OPN5: variants seen among roughly 807,000 people sequenced by gnomAD.
OPN5 encodes the protein opsin-5.
A neutral mutation model predicts 41.7 loss-of-function variants in OPN5; 18 were observed. The ratio of observed to expected loss-of-function variants is 0.43; its 90% confidence interval spans 0.30 to 0.64. The LOEUF (loss-of-function observed/expected upper bound fraction) is 0.64, where lower values mean the gene tolerates loss of function less well. Ranked by LOEUF, OPN5 falls within the 30% of genes least tolerant of loss-of-function variation. OPN5 has a pLI of 0.13. For missense variants in OPN5, 318 were observed against 434.5 expected (o/e 0.73, Z 2.38); for synonymous variants, 178 against 164.3 (o/e 1.08, Z -0.64).
chr6:47,813,091 AC>A (rs1296680007), intron 6 of OPN5, among the ~76,000 whole-genome samples: 19 of 151,788 alleles, frequency 1.3e-4, no homozygotes, highest in African/African-American at 4.4e-4. Context: ...AACAACAACA[AC>A]AACAACAACA....
intron 2 of OPN5, among the ~76,000 whole-genome samples, chr6:47,787,550 G>A (rs1196839051): frequency 6.6e-6 from 1 of 152,154 alleles, no homozygotes; most frequent in African/African-American, 2.4e-5. Context: ...ACAGTACACA[G>A]CAGCTCCTCT....
intron 6 of OPN5, among the ~76,000 whole-genome samples, chr6:47,820,268 G>A (rs929275665): frequency 6.6e-6 from 1 of 152,000 alleles, no homozygotes; most frequent in East Asian, 1.9e-4. Flanking sequence ...CAGCCTTAGG[G>A]GTTATTCTTT....
chr6:47,808,620 G>A (rs186594120), intron 5 of OPN5, among the ~76,000 whole-genome samples: 1 of 152,130 alleles, frequency 6.6e-6, no homozygotes, highest in Non-Finnish European at 1.5e-5. Context: ...TTTTTTGATC[G>A]TGGAGCAACT....
chr6:47,820,476 C>T lies in OPN5; in HGVS notation c.1057-3507C>T, dbSNP rs190768459. The stretch of plus-strand genomic sequence containing the variant: ...TCATCTCGCTTGATTTAAAATCCCA[C>T]TCTAGGTCTCTTACAATAATTCTAT... On this transcript the variant is annotated intron_variant, in intron 6 of 6. Transcript: ENST00000371211. 3.9e-5 allele frequency among the ~76,000 whole-genome samples: 6 copies of T among 152,302 alleles called. No individual in the cohort carries two copies. The East Asian group carries it at 1.2e-3, about 29-fold the overall frequency.
intron 6 of OPN5, among the ~76,000 whole-genome samples, chr6:47,822,660 C>A (rs532878158): frequency 1.3e-5 from 2 of 152,236 alleles, no homozygotes; most frequent in Non-Finnish European, 2.9e-5. Context: ...AATTGTCTTG[C>A]CAAATGAGAG....
chr6:47,786,623 T>C (rs1773200674), exon 2 of OPN5: 1 of 1,613,524 alleles, frequency 6.2e-7, no homozygotes, highest in East Asian at 2.2e-5. Context: ...GTCTGTGATC[T>C]GGGGATTTCA....
chr6:47,782,061 A>G (rs1368657115), exon 1 of OPN5: 1 of 1,612,690 alleles, frequency 6.2e-7, no homozygotes, highest in African/African-American at 1.3e-5. Context: ...GTGGTTCGAG[A>G]ACAGAATGGC....
intron 2 of OPN5, 109 bp downstream of exon 2, chr6:47,786,743 T>G: frequency 1.1e-6 from 1 of 927,820 alleles, no homozygotes; most frequent in Non-Finnish European, 1.6e-6. Context: ...CACATCTCCT[T>G]CCACTCTTCG....
At chr6:47,803,712 A>G (rs1421111835) in intron 4 of OPN5, among the ~76,000 whole-genome samples, 1 of 152,188 alleles carries the variant, frequency 6.6e-6, no homozygotes, top group Non-Finnish European at 1.5e-5. Context: ...ATGCAGCTTC[A>G]AGTATTAGCT....
At chr6:47,820,406 T>TTGCTATA (rs1309615570) in intron 6 of OPN5, among the ~76,000 whole-genome samples, 1 of 152,190 alleles carries the variant, frequency 6.6e-6, no homozygotes, top group Non-Finnish European at 1.5e-5. Context: ...TCTTAGTACT[T>TTGCTATA]TGCTATATGG....
chr6:47,812,938 T>C (rs1010634860), intron 6 of OPN5, among the ~76,000 whole-genome samples: 2 of 152,160 alleles, frequency 1.3e-5, no homozygotes, highest in South Asian at 4.1e-4. Flanking sequence ...TCAACCTCAG[T>C]ACATGGAACC....
intron 5 of OPN5, among the ~76,000 whole-genome samples, chr6:47,809,225 G>T (rs1258156271): frequency 1.3e-5 from 2 of 152,104 alleles, no homozygotes. Flanking sequence ...GAGGTGAGGG[G>T]TGTTGAGATG....
At chr6:47,808,177 A>G in exon 5 of OPN5, 5 of 1,613,378 alleles carry the variant, frequency 3.1e-6, no homozygotes, top group Non-Finnish European at 4.2e-6. Flanking sequence ...TTTGTGCTGG[A>G]TTCCTGATTG....
At chr6:47,814,781 A>C (rs1477866637) in intron 6 of OPN5, among the ~76,000 whole-genome samples, 5 of 152,126 alleles carry the variant, frequency 3.3e-5, no homozygotes, top group African/African-American at 9.7e-5. Flanking sequence ...GATATATTGC[A>C]TTTTATGTCT....
intron 6 of OPN5, among the ~76,000 whole-genome samples, chr6:47,822,086 T>C (rs1197094748): frequency 7.0e-6 from 1 of 143,134 alleles, no homozygotes; most frequent in Non-Finnish European, 1.5e-5. Flanking sequence ...CCCTCCAGCC[T>C]GGGTGACAGT....
intron 4 of OPN5, among the ~76,000 whole-genome samples, chr6:47,801,035 G>T (rs1036104014): frequency 1.3e-5 from 2 of 152,122 alleles, no homozygotes; most frequent in Non-Finnish European, 1.5e-5. Flanking sequence ...AAGCCCTCCT[G>T]ATTCTCCCTG....
intron 4 of OPN5, among the ~76,000 whole-genome samples, chr6:47,802,510 A>G (rs1168157762): frequency 6.6e-6 from 1 of 152,184 alleles, no homozygotes; most frequent in Admixed American, 6.5e-5. Flanking sequence ...GTGGAGGAAG[A>G]GAATGAAATG....
chr6:47,822,037 A>T (rs920027150), intron 6 of OPN5, among the ~76,000 whole-genome samples: 1 of 151,688 alleles, frequency 6.6e-6, no homozygotes, highest in African/African-American at 2.4e-5. Context: ...GCTTGAACCC[A>T]GAAGGTGAAG....
At chr6:47,804,098 T>C (rs1450937427) in intron 4 of OPN5, among the ~76,000 whole-genome samples, 4 of 152,224 alleles carry the variant, frequency 2.6e-5, no homozygotes, top group Non-Finnish European at 5.9e-5. Context: ...TGTGACACAA[T>C]ACCAGCTTGA....
Sources: gnomAD v4.1 joint callset for allele counts (sites outside exome capture counted in the v4.1 genomes callset) on GRCh38, gnomAD v4.1.1 for gene constraint, MANE v1.5 for transcripts, NCBI Gene and HGNC (gene_info 2026-07-23, HGNC 2026-07-21) for gene names.